The following RGS6 variants were observed in gnomAD, a reference collection of about 807,000 sequenced individuals.
The protein encoded by RGS6 is regulator of G protein signaling 6, also known as regulator of G-protein signaling 6.
In RGS6, 30 loss-of-function variants were observed where a neutral mutation model predicts 78.5. The ratio of observed to expected loss-of-function variants is 0.38; its 90% CI spans 0.29 to 0.52. The LOEUF (loss-of-function observed/expected upper bound fraction) is 0.52, where lower values mean the gene tolerates loss of function less well. Ranked by LOEUF, RGS6 falls within the 20% of genes least tolerant of loss-of-function variation. RGS6 has a pLI of 0.85. For synonymous variants in RGS6, 206 were observed against 206.0 expected, an observed-to-expected ratio of 1.00 and a Z score of 0.00; for missense variants, 495 against 609.7, an observed-to-expected ratio of 0.81 and a Z score of 1.98.
At chr14:72,613,891 ACTCG>A in the RGS6 span, among the ~76,000 whole-genome samples, 1 of 151,984 alleles carries the variant, frequency 6.6e-6, no homozygotes, top group Non-Finnish European at 1.5e-5. Context: ...GGCAGTTCCC[ACTCG>A]CTCTGCCTGG....
At chr14:71,975,477 T>G (rs951662711) in intron 2 of RGS6, among the ~76,000 whole-genome samples, 6 of 152,060 alleles carry the variant, frequency 3.9e-5, no homozygotes, top group African/African-American at 7.2e-5. Context: ...CTTTTTTTTT[T>G]TGATGGAGGC....
chr14:71,870,407 A>C, the RGS6 span, among the ~76,000 whole-genome samples: 1 of 152,214 alleles, frequency 6.6e-6, no homozygotes, highest in Admixed American at 6.5e-5. Flanking sequence ...GGGAAGGTGA[A>C]GAGGTTGTGT....
intron 2 of RGS6, among the ~76,000 whole-genome samples, chr14:72,053,669 GT>G (rs2093462783): frequency 6.6e-6 from 1 of 152,158 alleles, no homozygotes; most frequent in Non-Finnish European, 1.5e-5. Context: ...TTCATTTTAT[GT>G]CATACAAAGT....
Position 72,108,494 on chromosome 14 carries a change from T to C in RGS6, c.84+143619T>C, listed in dbSNP as rs1057370781. 2.0e-5 allele frequency among the ~76,000 whole-genome samples: 3 copies of C among 151,962 alleles called. No individual in the cohort carries two copies. The East Asian group carries it at 5.8e-4, about 29-fold the overall frequency. Reference sequence around the variant, plus strand: ...GATTTATAGTTTTTAAAATTTGTTATGTTTTCTTGTTTTACTGTTTCTGCC... The same window carrying C: ...GATTTATAGTTTTTAAAATTTGTTACGTTTTCTTGTTTTACTGTTTCTGCC... On this transcript the variant is annotated intron_variant, in intron 2 of 17. Coordinates refer to ENST00000553525, the MANE Select transcript of RGS6 (RefSeq NM_001204424.2).
intron 6 of RGS6, 93 bp downstream of exon 6, chr14:72,459,776 G>A: frequency 1.6e-6 from 2 of 1,270,330 alleles, no homozygotes; most frequent in East Asian, 2.3e-5. Flanking sequence ...GGCCATGGTG[G>A]TACATGGGGA....
intron 15 of RGS6, 83 bp downstream of exon 15, chr14:72,518,620 A>C (rs2096985493): frequency 7.8e-7 from 1 of 1,286,350 alleles, no homozygotes; most frequent in South Asian, 1.4e-5. Context: ...AGTTCAAGGC[A>C]TTGTGGGTAG....
rs140307063 is a variant in RGS6 at position 72,165,303 on chromosome 14, G to A, written c.85-186792G>A. On this transcript the variant is annotated intron_variant, in intron 2 of 17. Coordinates refer to ENST00000553525, the MANE Select transcript of RGS6 (RefSeq NM_001204424.2). ...ATCTCCGGAGAACATCTACCCAACA[G>A]GTGGATTTGCTTGTGGGGAACAGAA... 1.2e-4 allele frequency among the ~76,000 whole-genome samples: 19 copies of A among 152,352 alleles called. No homozygotes were observed. The East Asian group carries it at 3.5e-3, about 28-fold the overall frequency.
chr14:71,877,148 G>A, the RGS6 span, among the ~76,000 whole-genome samples: 1 of 152,104 alleles, frequency 6.6e-6, no homozygotes. Context: ...TGACAATTAT[G>A]TGTCTTGGAG....
intron 3 of RGS6, among the ~76,000 whole-genome samples, chr14:72,408,651 T>A (rs1473668449): frequency 6.6e-6 from 1 of 152,148 alleles, no homozygotes; most frequent in South Asian, 2.1e-4. Flanking sequence ...TTTCTTAGAG[T>A]ATATATTGAA....
At chr14:72,570,177 TA>T, downstream of RGS6, among the ~76,000 whole-genome samples, 1 of 152,342 alleles carries the variant, frequency 6.6e-6, no homozygotes, top group Middle Eastern at 3.4e-3. Context: ...AATATAGCAT[TA>T]AAATGATTTA....
intron 2 of RGS6, among the ~76,000 whole-genome samples, chr14:72,043,898 GCTGCTGCTGTCA>G (rs1183507453): frequency 6.6e-6 from 1 of 152,038 alleles, no homozygotes; most frequent in Non-Finnish European, 1.5e-5. Flanking sequence ...TTGGAAGGTC[GCTGCTGCTGTCA>G]CTGCTGCTGC....
intron 3 of RGS6, among the ~76,000 whole-genome samples, chr14:72,379,505 C>G (rs1236819655): frequency 6.6e-6 from 1 of 151,804 alleles, no homozygotes; most frequent in Admixed American, 6.6e-5. Flanking sequence ...AATCAACATA[C>G]AAAGATCAGT....
chr14:72,169,151 C>G (rs1443257541), intron 2 of RGS6, among the ~76,000 whole-genome samples: 1 of 152,172 alleles, frequency 6.6e-6, no homozygotes, highest in East Asian at 1.9e-4. Flanking sequence ...AATTTTTCTA[C>G]AGAGAGAGGG....
intron 2 of RGS6, among the ~76,000 whole-genome samples, chr14:72,274,052 C>A (rs2060321008): frequency 6.6e-6 from 1 of 152,134 alleles, no homozygotes; most frequent in African/African-American, 2.4e-5. Flanking sequence ...CTAGGACGGT[C>A]CACAGAGATG....
intron 2 of RGS6, among the ~76,000 whole-genome samples, chr14:72,270,026 G>A (rs1347667742): frequency 6.6e-6 from 1 of 152,214 alleles, no homozygotes; most frequent in Non-Finnish European, 1.5e-5. Context: ...ATTTGTAGCA[G>A]CGTACAACAC....
chr14:72,094,910 G>C (rs1039919978), intron 2 of RGS6, among the ~76,000 whole-genome samples: 4 of 152,076 alleles, frequency 2.6e-5, no homozygotes, highest in Admixed American at 6.5e-5. Context: ...AACAAGCAAG[G>C]GGGGAGAAAC....
At chr14:72,273,225 A>T (rs1181291397) in intron 2 of RGS6, among the ~76,000 whole-genome samples, 1 of 152,216 alleles carries the variant, frequency 6.6e-6, no homozygotes, top group Admixed American at 6.5e-5. Context: ...GAGAAAGTTG[A>T]TTCCGGCTTT....
At chr14:72,335,102 A>G (rs985575328) in intron 2 of RGS6, among the ~76,000 whole-genome samples, 4 of 145,310 alleles carry the variant, frequency 2.8e-5, no homozygotes, top group African/African-American at 1.0e-4. Context: ...CTTGCCTGCC[A>G]CCATGTGACT....
chr14:71,923,342 C>G, the RGS6 span, among the ~76,000 whole-genome samples: 1 of 152,066 alleles, frequency 6.6e-6, no homozygotes, highest in African/African-American at 2.4e-5. Flanking sequence ...TGTGCATAGG[C>G]AAAGTATGAA....
Sources: allele counts gnomAD v4.1 joint callset (sites outside exome capture counted in the v4.1 genomes callset), GRCh38; gene constraint gnomAD v4.1.1; transcripts MANE v1.5; gene names NCBI Gene and HGNC (gene_info 2026-07-23, HGNC 2026-07-21).